The following TMED8 variants were observed in gnomAD, a reference collection of about 807,000 sequenced individuals.
TMED8 encodes transmembrane p24 trafficking protein family member 8, also known as protein TMED8.
In TMED8, 15 loss-of-function variants were observed where a neutral mutation model predicts 32.7. That is an observed-to-expected ratio of 0.46 (90% CI 0.31 to 0.71). The LOEUF is 0.71. Among genes scored for constraint, TMED8 ranks in the 30% least tolerant of loss-of-function variants. TMED8 has a pLI of 0.06. For synonymous variants in TMED8, 147 were observed against 161.4 expected, an observed-to-expected ratio of 0.91 and a Z score of 0.68; for missense variants, 390 against 423.9, an observed-to-expected ratio of 0.92 and a Z score of 0.70.
chr14:77,343,079 T>G, intron 5 of TMED8, 99 bp downstream of exon 5: 1 of 1,204,212 alleles, frequency 8.3e-7, no homozygotes, highest in Non-Finnish European at 1.2e-6. Context: ...GTTTCTCAAC[T>G]GCATTCAAAG....
intron 1 of TMED8, among the ~76,000 whole-genome samples, chr14:77,360,912 T>C (rs1339609418): frequency 6.6e-6 from 1 of 152,170 alleles, no homozygotes; most frequent in Non-Finnish European, 1.5e-5. Context: ...GAACATCTTT[T>C]CATGTACCTG....
In TMED8 at chr14:77,377,039, C is replaced by G; in HGVS notation, c.15G>C (p.Gln5His). 7.2e-7 allele frequency: 1 copy of G among 1,381,420 alleles called. No homozygotes were observed. Among genetic ancestry groups the G allele is most frequent in the Non-Finnish European group, 9.3e-7 (1 of 1,077,780 alleles). 85.6% of individuals were successfully genotyped at this position (1,381,420 alleles called of 1,614,324 possible). Residue 5 changes from glutamine (Q) to histidine (H), a missense_variant, in exon 1 of 6, where the codon CAG becomes CAC. By Grantham distance (24) the Gln-to-His change is conservative. Transcript: ENST00000216468. MSDL[Q>H]AAEGPGSWSP... ...TCCAGGAGCCCGGCCCCTCAGCCGC[C>G]TGCAGGTCAGACATCTGCAGCCCGC...
At chr14:77,374,128 GCT>G (rs1384121001) in intron 1 of TMED8, among the ~76,000 whole-genome samples, 1 of 152,116 alleles carries the variant, frequency 6.6e-6, no homozygotes, top group Non-Finnish European at 1.5e-5. Context: ...ATTTCTTACT[GCT>G]GTTTTCTCTC....
intron 1 of TMED8, chr14:77,359,739 T>C: frequency 4.0e-6 from 1 of 250,586 alleles, no homozygotes; most frequent in Non-Finnish European, 7.9e-6. Flanking sequence ...CACATGATTA[T>C]CTGGAGATGT....
At position 77,337,516 on chromosome 14, in the gene TMED8, A is replaced by C. The variant is rs1163655707; in HGVS notation, c.*4255T>G. On this transcript the variant is annotated 3_prime_UTR_variant, in exon 6 of 6. Coordinates refer to ENST00000216468, the MANE Select transcript of TMED8 (RefSeq NM_213601.3). ...AAATTCTCCCTGCTTCTGCCTCCAGAGTAGCTGGGATTACAGATGCCCGCC... is the reference window on the plus strand; with the variant it reads ...AAATTCTCCCTGCTTCTGCCTCCAGCGTAGCTGGGATTACAGATGCCCGCC... 6.6e-6 allele frequency: 1 copy of C among 151,994 alleles called. No homozygotes were observed. Among genetic ancestry groups the C allele is most frequent in the Non-Finnish European group, 1.5e-5 (1 of 68,034 alleles). 9.4% of individuals were successfully genotyped at this position (151,994 alleles called of 1,614,324 possible).
chr14:77,351,051 G>A (rs570954090), intron 2 of TMED8, among the ~76,000 whole-genome samples: 2 of 152,128 alleles, frequency 1.3e-5, no homozygotes, highest in Non-Finnish European at 2.9e-5. Context: ...GAGCCTGGCC[G>A]GCAAGCCAGC....
chr14:77,361,947 G>A (rs985941162), intron 1 of TMED8, among the ~76,000 whole-genome samples: 56 of 152,094 alleles, frequency 3.7e-4, no homozygotes, highest in African/African-American at 2.7e-4. Context: ...GGGCTACCAC[G>A]CTAGGCTAAT....
At chr14:77,366,551 A>C (rs1207329556) in intron 1 of TMED8, among the ~76,000 whole-genome samples, 1 of 152,196 alleles carries the variant, frequency 6.6e-6, no homozygotes, top group African/African-American at 2.4e-5. Context: ...GCCAGAATTA[A>C]CTTATATGGC....
Position 77,353,439 on chromosome 14 carries a change from GTTTTTTT to G in TMED8, c.119-1695_119-1689del, listed in dbSNP as rs71303874. Among the ~76,000 whole-genome samples, 197 of 127,490 alleles carry G rather than the reference GTTTTTTT, an allele frequency of 1.5e-3. 1 individual carries two copies. The highest frequency in any genetic ancestry group is 5.6e-3 in the African/African-American group (191 of 34,374). 83.6% of individuals were successfully genotyped at this position (127,490 alleles called of 152,430 possible). A position where few individuals can be genotyped will look rare whatever the true frequency, so the allele number is the denominator to read the frequency against. Reference sequence around the variant, plus strand: ...GATCTATTTTTCTTTTCTTTTCTTTGTTTTTTTTTTTTTTTTGGAGGGGGACAGGGTC... The same window carrying G: ...GATCTATTTTTCTTTTCTTTTCTTTGTTTTTTTTTGGAGGGGGACAGGGTC... On this transcript the variant is annotated intron_variant, in intron 1 of 5. Transcript: ENST00000216468.
intron 1 of TMED8, among the ~76,000 whole-genome samples, chr14:77,355,356 G>C (rs954175036): frequency 2.0e-5 from 3 of 151,842 alleles, no homozygotes; most frequent in Non-Finnish European, 4.4e-5. Flanking sequence ...CACCACACCC[G>C]GCTAATTTTT....
chr14:77,339,719 GTA>G lies in TMED8; in HGVS notation c.*2050_*2051del, dbSNP rs1249738869. The G allele has an allele frequency of 6.6e-6, 1 of 152,168 alleles. No individual in the cohort carries two copies. The highest frequency in any genetic ancestry group is 1.9e-4 in the East Asian group (1 of 5,200). The allele number at this position is 152,168 out of a possible 1,614,324, so 9.4% of individuals were successfully genotyped here. A position where few individuals can be genotyped will look rare whatever the true frequency, so the allele number is the denominator to read the frequency against. On this transcript the variant is annotated 3_prime_UTR_variant, in exon 6 of 6. Transcript: ENST00000216468. ...AGTCACTAAAATAATTTCTTTAAAG[GTA>G]TATAAATGTTGGCCAGTGTAATCCT...
chr14:77,370,171 CA>C (rs5809828), intron 1 of TMED8, among the ~76,000 whole-genome samples: 112 of 138,010 alleles, frequency 8.1e-4, no homozygotes, highest in Middle Eastern at 4.2e-3. Context: ...GACTCCGTTT[CA>C]AAAAAAAAAA....
intron 2 of TMED8, among the ~76,000 whole-genome samples, chr14:77,350,780 C>T (rs1050849597): frequency 1.3e-5 from 2 of 152,100 alleles, no homozygotes; most frequent in Admixed American, 6.5e-5. Context: ...TACCGTGCTC[C>T]AGCCTGGGCA....
chr14:77,358,256 A>G (rs1893342093), intron 1 of TMED8, among the ~76,000 whole-genome samples: 1 of 152,148 alleles, frequency 6.6e-6, no homozygotes, highest in Non-Finnish European at 1.5e-5. Context: ...ATAAAAATAT[A>G]CATGTAAAAT....
chr14:77,367,612 C>A (rs1439278035), intron 1 of TMED8, among the ~76,000 whole-genome samples: 1 of 151,852 alleles, frequency 6.6e-6, no homozygotes, highest in East Asian at 1.9e-4. Context: ...TTATTTCAGT[C>A]ATTATTTTGA....
Position 77,341,445 on chromosome 14 carries a change from T to C in TMED8, c.*326A>G, listed in dbSNP as rs1892896016. The C allele has an allele frequency of 3.0e-6, 1 of 333,868 alleles. No homozygotes were observed. The highest frequency in any genetic ancestry group is 7.4e-5 in the East Asian group (1 of 13,562). The allele number at this position is 333,868 out of a possible 1,614,324, so 20.7% of individuals were successfully genotyped here. On this transcript the variant is annotated 3_prime_UTR_variant, in exon 6 of 6. Transcript: ENST00000216468. ...AGGGCAGCAATCTGAATGATAAACC[T>C]GTGCCAAGATGAATCTATTTTTAAA...
intron 1 of TMED8, among the ~76,000 whole-genome samples, chr14:77,369,670 C>G (rs1341445800): frequency 6.6e-6 from 1 of 152,226 alleles, no homozygotes; most frequent in Admixed American, 6.5e-5. Context: ...CTCTATAGCT[C>G]TCACATGGAT....
rs144483700 is a variant in TMED8 at position 77,369,818 on chromosome 14, A to G, written c.118+7118T>C. On this transcript the variant is annotated intron_variant, in intron 1 of 5. Coordinates refer to ENST00000216468, the MANE Select transcript of TMED8 (RefSeq NM_213601.3). The stretch of plus-strand genomic sequence containing the variant: ...GCTATTACTGAAAACAGAAATCCAT[A>G]TTGCCTATTTACCCATATCAATCTG... 5.6e-3 allele frequency among the ~76,000 whole-genome samples: 856 copies of G among 152,344 alleles called. 7 individuals are homozygous for G. The highest frequency in any genetic ancestry group is 6.7e-3 in the Non-Finnish European group (456 of 68,026).
chr14:77,361,569 ATTTTAGAATTGT>A (rs1893435690), intron 1 of TMED8, among the ~76,000 whole-genome samples: 1 of 152,172 alleles, frequency 6.6e-6, no homozygotes, highest in African/African-American at 2.4e-5. Flanking sequence ...TTACATACAA[ATTTTAGAATTGT>A]TTTTTCTACT....
Sources: allele counts gnomAD v4.1 joint callset (sites outside exome capture counted in the v4.1 genomes callset), GRCh38; gene constraint gnomAD v4.1.1; transcripts MANE v1.5; gene names NCBI Gene and HGNC (gene_info 2026-07-23, HGNC 2026-07-21).